Variants in MAPK9 observed in about 807,000 individuals in gnomAD.
MAPK9 encodes the protein mitogen-activated protein kinase 9.
In MAPK9, 30 loss-of-function variants were observed where a neutral mutation model predicts 57.1. The ratio of observed to expected loss-of-function variants is 0.53; its 90% CI spans 0.39 to 0.71. The LOEUF is 0.71. Ranked by LOEUF, MAPK9 falls within the 30% of genes least tolerant of loss-of-function variation. The probability of loss-of-function intolerance (pLI) is 0.00; values close to 1 mark genes in which losing one functional copy is unlikely to be tolerated. For missense variants in MAPK9, 362 were observed against 521.0 expected (o/e 0.69, Z 2.97); for synonymous variants, 155 against 177.0 (o/e 0.88, Z 0.99).
chr5:180,240,193 G>C (rs1031120546), intron 9 of MAPK9, among the ~76,000 whole-genome samples: 7 of 152,206 alleles, frequency 4.6e-5, no homozygotes, highest in East Asian at 1.9e-4. Flanking sequence ...CCAAAGAAGA[G>C]TTATTATGTT....
chr5:180,282,580 G>A (rs1345329010), intron 1 of MAPK9, among the ~76,000 whole-genome samples: 1 of 152,240 alleles, frequency 6.6e-6, no homozygotes. Context: ...GGACAGTAGA[G>A]CCACAGAGCT....
intron 6 of MAPK9, chr5:180,248,060 C>T: frequency 1.5e-6 from 1 of 684,042 alleles, no homozygotes; most frequent in South Asian, 2.0e-5. Context: ...TACCACACCT[C>T]CTGAGCGATC....
At chr5:180,278,899 T>C (rs1581295217) in intron 2 of MAPK9, among the ~76,000 whole-genome samples, 1 of 152,104 alleles carries the variant, frequency 6.6e-6, no homozygotes, top group South Asian at 2.1e-4. Context: ...TTGTTGTTTA[T>C]AACTTTCCAT....
In MAPK9 at chr5:180,247,443, A is replaced by G; in HGVS notation, c.684T>C (p.Thr228=). 1 of 1,614,234 alleles carries G rather than the reference A, an allele frequency of 6.2e-7. No homozygotes were observed. The highest frequency in any genetic ancestry group is 2.2e-5 in the East Asian group (1 of 44,884). Residue 228 remains threonine, a synonymous_variant, in exon 7 of 12, where the codon ACT becomes ACC. Coordinates refer to ENST00000452135, the MANE Select transcript of MAPK9 (RefSeq NM_002752.5). This position sits in a 1 kb window ranked among gnomAD's most constrained non-coding sequence, Gnocchi z 4.5. ...CAAGGTCGCGGGGAAGGATACGGTCAGTGCCTTGGAATATCACACAACCTT... is the reference window on the plus strand; with the variant it reads ...CAAGGTCGCGGGGAAGGATACGGTCGGTGCCTTGGAATATCACACAACCTT... ...LVKGCVIFQG[T]DHIDQWNKVI... is the part of the protein sequence containing the mutation.
rs34330975 is a variant in MAPK9, at chr5:180,265,024, C to T, written c.253-185G>A. On this transcript the variant is annotated intron_variant, in intron 3 of 11. Transcript: ENST00000452135. ...TTAAACATCAATTAAAGGAAAGATG[C>T]ACTTTTAATCAAATCACTTTTATGT... Among the ~76,000 whole-genome samples, 672 of 152,304 alleles carry T rather than the reference C, an allele frequency of 4.4e-3. 6 individuals carry two copies. Among genetic ancestry groups the T allele is most frequent in the African/African-American group, 0.016 (645 of 41,552 alleles).
intron 10 of MAPK9, among the ~76,000 whole-genome samples, chr5:180,239,215 G>T (rs1044760312): frequency 6.6e-6 from 1 of 152,186 alleles, no homozygotes; most frequent in African/African-American, 2.4e-5. Flanking sequence ...AATTACCTAC[G>T]AAGTAAGTGA....
At chr5:180,254,961 G>A (rs1017162258) in intron 5 of MAPK9, among the ~76,000 whole-genome samples, 4 of 152,142 alleles carry the variant, frequency 2.6e-5, no homozygotes, top group Admixed American at 6.5e-5. Flanking sequence ...GTGAACCCGA[G>A]AGGCAGAGTT....
At chr5:180,275,209 G>T (rs1761704599) in intron 2 of MAPK9, among the ~76,000 whole-genome samples, 1 of 152,068 alleles carries the variant, frequency 6.6e-6, no homozygotes, top group East Asian at 1.9e-4. Context: ...GTATAAAACT[G>T]TTTGCTATCT....
At chr5:180,281,801 CT>C (rs1414576848) in intron 1 of MAPK9, among the ~76,000 whole-genome samples, 1 of 152,218 alleles carries the variant, frequency 6.6e-6, no homozygotes, top group African/African-American at 2.4e-5. Context: ...TCTCCCCGTC[CT>C]CTGGGTGGTG....
intron 2 of MAPK9, among the ~76,000 whole-genome samples, chr5:180,273,283 T>C (rs1353603390): frequency 6.6e-6 from 1 of 152,226 alleles, no homozygotes; most frequent in African/African-American, 2.4e-5. Flanking sequence ...CAGTCATATA[T>C]CTTCTCACAT....
At chr5:180,280,177 G>GAAAAA in intron 2 of MAPK9, 1 of 401,064 alleles carries the variant, frequency 2.5e-6, no homozygotes, top group African/African-American at 2.1e-5. Flanking sequence ...CAGGAGAAAT[G>GAAAAA]AAAAAAAAAA....
At chr5:180,271,333 T>C (rs1761289554) in intron 2 of MAPK9, among the ~76,000 whole-genome samples, 1 of 152,206 alleles carries the variant, frequency 6.6e-6, no homozygotes, top group African/African-American at 2.4e-5. Flanking sequence ...AAAGAATACA[T>C]TGTTATCACT....
intron 9 of MAPK9, 43 bp downstream of exon 9, chr5:180,240,988 A>G (rs745700815): frequency 6.3e-7 from 1 of 1,582,508 alleles, no homozygotes; most frequent in South Asian, 1.2e-5. Context: ...AGGAAATATA[A>G]GCCTGGCCTC....
intron 1 of MAPK9, among the ~76,000 whole-genome samples, chr5:180,286,426 G>A (rs578005865): frequency 9.9e-5 from 15 of 151,710 alleles, no homozygotes; most frequent in South Asian, 8.3e-4. Flanking sequence ...TTACAGGCGT[G>A]AGCCACCGCG....
intron 1 of MAPK9, among the ~76,000 whole-genome samples, chr5:180,283,087 C>T (rs577396222): frequency 1.1e-4 from 16 of 152,202 alleles, no homozygotes; most frequent in African/African-American, 2.9e-4. Flanking sequence ...ATCAGAGGTG[C>T]GACACAGGCG....
chr5:180,270,955 T>C (rs1305716161), intron 2 of MAPK9, among the ~76,000 whole-genome samples: 1 of 151,648 alleles, frequency 6.6e-6, no homozygotes, highest in Non-Finnish European at 1.5e-5. Context: ...TTCAGTTAGA[T>C]AGGAGGAATA....
At chr5:180,248,009 A>AC in intron 6 of MAPK9, 1 of 1,337,262 alleles carries the variant, frequency 7.5e-7, no homozygotes, top group Non-Finnish European at 1.0e-6. Context: ...AACCCGGTAC[A>AC]CGTCACTAGC....
intron 5 of MAPK9, among the ~76,000 whole-genome samples, chr5:180,260,182 A>G (rs1759778969): frequency 6.6e-6 from 1 of 152,220 alleles, no homozygotes; most frequent in Non-Finnish European, 1.5e-5. Flanking sequence ...TTGAAGACAT[A>G]AAAGAACTCA....
At chr5:180,249,163 G>A (rs2127582925) in intron 5 of MAPK9, 25 bp from the exon 6 acceptor site, 1 of 1,594,094 alleles carries the variant, frequency 6.3e-7, no homozygotes, top group Non-Finnish European at 8.6e-7. Flanking sequence ...GCTTAAATTA[G>A]TAAAATGAAT....
Sources: gnomAD v4.1 joint callset for allele counts (sites outside exome capture counted in the v4.1 genomes callset) on GRCh38, gnomAD v4.1.1 for gene constraint, Gnocchi (gnomAD v3.1) non-coding constraint, MANE v1.5 for transcripts, NCBI Gene and HGNC (gene_info 2026-07-23, HGNC 2026-07-21) for gene names.